GRIA4: variants seen among roughly 807,000 people sequenced by gnomAD.
GRIA4 encodes glutamate ionotropic receptor AMPA type subunit 4.
A neutral mutation model predicts 104.0 loss-of-function variants in GRIA4; 34 were observed. The ratio of observed to expected loss-of-function variants is 0.33; its 90% CI spans 0.25 to 0.44. GRIA4 has a LOEUF of 0.44. GRIA4 is among the 20% of genes least tolerant of loss of function. The pLI is 1.00. For synonymous variants in GRIA4, 386 were observed against 381.9 expected (o/e 1.01, Z -0.13); for missense variants, 750 against 1,096.5 (o/e 0.68, Z 4.46).
At chr11:105,646,593 CAAA>C (rs2135368993) in intron 3 of GRIA4, among the ~76,000 whole-genome samples, 1 of 152,198 alleles carries the variant, frequency 6.6e-6, no homozygotes. Context: ...ACAAAACAAA[CAAA>C]TAAACTAATG....
Position 105,979,850 on chromosome 11 carries a change from G to A in GRIA4, c.*111G>A, listed in dbSNP as rs1242787356. 2.7e-6 allele frequency: 2 copies of A among 752,036 alleles called. No homozygotes were observed. Among genetic ancestry groups the A allele is most frequent in the South Asian group, 1.8e-5 (1 of 54,190 alleles). The allele number at this position is 752,036 out of a possible 1,614,324, so 46.6% of individuals were successfully genotyped here. ...TTTGCTAAACCAATCCTTTGGCTGA[G>A]AGCGGGAAGTCCGTCCTAACGCGCT... On this transcript the variant is annotated 3_prime_UTR_variant, in exon 17 of 17. Transcript: ENST00000282499.
At chr11:105,814,575 A>C (rs1943301403) in intron 4 of GRIA4, among the ~76,000 whole-genome samples, 1 of 152,174 alleles carries the variant, frequency 6.6e-6, no homozygotes, top group African/African-American at 2.4e-5. Flanking sequence ...CAATTGTAGG[A>C]TCTAAATGAG....
intron 4 of GRIA4, among the ~76,000 whole-genome samples, chr11:105,764,394 C>A (rs1940835382): frequency 6.6e-6 from 1 of 151,988 alleles, no homozygotes; most frequent in Non-Finnish European, 1.5e-5. Context: ...TATGTTAATT[C>A]CTATTTGCAT....
chr11:105,672,129 G>T (rs1162427667), intron 3 of GRIA4, among the ~76,000 whole-genome samples: 1 of 151,874 alleles, frequency 6.6e-6, no homozygotes. Context: ...TTTAATTGAG[G>T]GTAAATAACA....
At chr11:105,763,370 C>T (rs2155042) in intron 4 of GRIA4, among the ~76,000 whole-genome samples, 28,643 of 151,944 alleles carry the variant, frequency 0.19, 3,446 homozygotes, top group African/African-American at 0.33. Flanking sequence ...ATGTCATTAG[C>T]GTTCTGTGTT....
At chr11:105,717,404 G>A (rs1211440662) in intron 3 of GRIA4, among the ~76,000 whole-genome samples, 13 of 151,842 alleles carry the variant, frequency 8.6e-5, no homozygotes, top group East Asian at 3.9e-4. Context: ...TTAATTATAC[G>A]CCCTTAGACA....
chr11:105,636,882 C>T (rs1951218425), intron 3 of GRIA4, among the ~76,000 whole-genome samples: 1 of 152,188 alleles, frequency 6.6e-6, no homozygotes, highest in African/African-American at 2.4e-5. Context: ...TAGCTACCAT[C>T]AAACCATCCC....
At chr11:105,678,655 T>C (rs139585640) in intron 3 of GRIA4, among the ~76,000 whole-genome samples, 1 of 152,236 alleles carries the variant, frequency 6.6e-6, no homozygotes, top group African/African-American at 2.4e-5. Context: ...AAAATTAATT[T>C]CTGAGTGTTT....
At chr11:105,837,580 A>C (rs1264122295) in intron 4 of GRIA4, among the ~76,000 whole-genome samples, 1 of 152,102 alleles carries the variant, frequency 6.6e-6, no homozygotes, top group African/African-American at 2.4e-5. Context: ...GCTGAAGGTG[A>C]GATTAGTACA....
chr11:105,980,441 C>A lies in GRIA4; in HGVS notation c.*702C>A, dbSNP rs1429152747. ...CCATCACTGTAATAAACTTTAGAGA[C>A]TTTTTTTTATAAAAGTTGTTGGTCA... On this transcript the variant is annotated 3_prime_UTR_variant, in exon 17 of 17. Transcript: ENST00000282499. The A allele has an allele frequency of 2.0e-5, 3 of 152,362 alleles. No homozygotes were observed. The highest frequency in any genetic ancestry group is 2.9e-5 in the Non-Finnish European group (2 of 67,984). The allele number at this position is 152,362 out of a possible 1,614,324, so 9.4% of individuals were successfully genotyped here.
chr11:105,813,469 G>C (rs1205292390), intron 4 of GRIA4, among the ~76,000 whole-genome samples: 1 of 152,162 alleles, frequency 6.6e-6, no homozygotes, highest in Admixed American at 6.5e-5. Context: ...CTTTATGAAT[G>C]ACTCCAAGTG....
At chr11:105,880,594 T>C (rs1364859314) in intron 5 of GRIA4, among the ~76,000 whole-genome samples, 6 of 151,948 alleles carry the variant, frequency 3.9e-5, no homozygotes, top group Admixed American at 2.6e-4. Context: ...CTGAAGGTCA[T>C]TTTTTTTAAT....
chr11:105,866,687 G>C (rs930326282), intron 5 of GRIA4, among the ~76,000 whole-genome samples: 2 of 150,730 alleles, frequency 1.3e-5, no homozygotes, highest in African/African-American at 4.9e-5. Flanking sequence ...TAAACCAAAA[G>C]TATTTCCTAA....
intron 4 of GRIA4, among the ~76,000 whole-genome samples, chr11:105,799,871 G>A (rs1942642136): frequency 6.6e-6 from 1 of 152,098 alleles, no homozygotes; most frequent in Non-Finnish European, 1.5e-5. Context: ...TTTAAAGGCA[G>A]AATAGTTTGT....
intron 3 of GRIA4, among the ~76,000 whole-genome samples, chr11:105,695,462 G>C (rs1591089395): frequency 2.2e-5 from 2 of 89,028 alleles, no homozygotes; most frequent in South Asian, 4.8e-4. Flanking sequence ...GTGTGTGTCT[G>C]TGTGTGTGTG....
At chr11:105,978,038 G>A (rs1859075350) in intron 16 of GRIA4, among the ~76,000 whole-genome samples, 1 of 151,966 alleles carries the variant, frequency 6.6e-6, no homozygotes, top group African/African-American at 2.4e-5. Flanking sequence ...GCATTTTTAA[G>A]GTACAATTTA....
chr11:105,895,674 T>G (rs1483395034), intron 6 of GRIA4, among the ~76,000 whole-genome samples: 2 of 151,742 alleles, frequency 1.3e-5, no homozygotes, highest in African/African-American at 4.8e-5. Context: ...TGTCCAGAAT[T>G]TTTGAATCCT....
intron 13 of GRIA4, among the ~76,000 whole-genome samples, chr11:105,932,936 A>G (rs1947924399): frequency 6.6e-6 from 1 of 152,090 alleles, no homozygotes; most frequent in Admixed American, 6.6e-5. Flanking sequence ...GGGGCATGAA[A>G]AAAGATAAAA....
chr11:105,741,807 A>G (rs1230431375), intron 3 of GRIA4, among the ~76,000 whole-genome samples: 1 of 152,154 alleles, frequency 6.6e-6, no homozygotes, highest in African/African-American at 2.4e-5. Flanking sequence ...TTTTTGATAC[A>G]TAGTGAAATG....
Sources: gnomAD v4.1 joint callset for allele counts (sites outside exome capture counted in the v4.1 genomes callset) on GRCh38, gnomAD v4.1.1 for gene constraint, MANE v1.5 for transcripts, NCBI Gene and HGNC (gene_info 2026-07-23, HGNC 2026-07-21) for gene names.